The following BICRA variants were observed in gnomAD, a reference collection of about 807,000 sequenced individuals.
The protein encoded by BICRA is BRD4 interacting chromatin remodeling complex associated protein, also known as BRD4-interacting chromatin-remodeling complex-associated protein.
In BICRA, 31 loss-of-function variants were observed where a neutral mutation model predicts 96.9. That is an observed-to-expected ratio of 0.32 (90% CI 0.24 to 0.43). The LOEUF is 0.43. Among genes scored for constraint, BICRA ranks in the 20% least tolerant of loss-of-function variants. The pLI is 1.00. For synonymous variants in BICRA, 1,350 were observed against 1,071.8 expected (o/e 1.26, Z -5.07); for missense variants, 2,283 against 2,190.3 (o/e 1.04, Z -0.84).
rs770286385 is a variant in BICRA, at chr19:47,675,696, G to C, written c.85-155G>C. On this transcript the variant is annotated intron_variant, in intron 4 of 14. Coordinates refer to ENST00000594866, the MANE Select transcript of BICRA (RefSeq NM_001394372.1). This position sits in a 1 kb window ranked among gnomAD's most constrained non-coding sequence, Gnocchi z 4.7. Reference sequence around the variant, plus strand: ...AGGCACCCAAGCCCCTGCCTTTGGGGCCTCTTTTCGGAGGCGAGAGTTTCC... The same window carrying C: ...AGGCACCCAAGCCCCTGCCTTTGGGCCCTCTTTTCGGAGGCGAGAGTTTCC... Among the ~76,000 whole-genome samples the C allele has an allele frequency of 1.3e-5, 2 of 152,194 alleles. No homozygotes were observed. The highest frequency in any genetic ancestry group is 2.9e-5 in the Non-Finnish European group (2 of 68,022).
At chr19:47,673,668 C>T in intron 3 of BICRA, 52 bp from the exon 4 acceptor site, 1 of 1,565,930 alleles carries the variant, frequency 6.4e-7, no homozygotes, top group Non-Finnish European at 8.8e-7. Context: ...CCTCCCTTCC[C>T]TCCCCTCCCC....
Position 47,680,923 on chromosome 19 carries a change from G to A in BICRA, c.1753G>A (p.Gly585Arg), listed in dbSNP as rs1271273357. The A allele has an allele frequency of 3.4e-6, 5 of 1,478,938 alleles. No homozygotes were observed. Among genetic ancestry groups the A allele is most frequent in the Non-Finnish European group, 4.4e-6 (5 of 1,126,978 alleles). The allele number at this position is 1,478,938 out of a possible 1,614,324, so 91.6% of individuals were successfully genotyped here. Residue 585 changes from glycine (G) to arginine (R), a missense_variant, in exon 6 of 15, where the codon GGG (glycine) becomes AGG (arginine). Gly to Arg is a moderately radical substitution (Grantham distance 125, BLOSUM62 -2). Coordinates refer to ENST00000594866, the MANE Select transcript of BICRA (RefSeq NM_001394372.1). ...AGPAATTVLQ[G>R]VTLPPSAVAM... ...GCCGGCCGCCACCACTGTCCTCCAG[G>A]GGGTCACCCTGCCCCCCAGCGCCGT...
chr19:47,653,376 A>G (rs1177021021), intron 1 of BICRA, among the ~76,000 whole-genome samples: 1 of 150,578 alleles, frequency 6.6e-6, no homozygotes, highest in Non-Finnish European at 1.5e-5. Flanking sequence ...TTCACATACC[A>G]TAAAATCCAC....
rs1236023488 is a variant in BICRA at position 47,701,505 on chromosome 19, C to T, written c.3773C>T (p.Ser1258Leu). The T allele has an allele frequency of 2.6e-6, 4 of 1,548,398 alleles. No homozygotes were observed. Among genetic ancestry groups the T allele is most frequent in the South Asian group, 1.2e-5 (1 of 84,126 alleles). The change falls in exon 15 of 15, where the codon TCG becomes TTG. Residue 1258 changes from serine to leucine, a missense_variant. Ser to Leu is a moderately radical substitution (Grantham distance 145). Coordinates refer to ENST00000594866, the MANE Select transcript of BICRA (RefSeq NM_001394372.1). The surrounding 1 kb of genome is among the most constrained non-coding windows in gnomAD (Gnocchi z 5.4). ...CACGGCGGGGCAGGCGGCTCCCCTT[C>T]GGTCACCTGGGCCCGGGCGTCCTCC... is the stretch of plus-strand genomic sequence containing the variant. ...IRHGGAGGSP[S>L]VTWARASSSL... is the part of the protein sequence containing the mutation.
chr19:47,698,588 C>A lies in BICRA; in HGVS notation c.3249-46C>A. The stretch of plus-strand genomic sequence containing the variant: ...GGACTTCCCCTGGCCCTCACCCGTC[C>A]CCCCCACCCTCCGCCGTGTGTGGTC... On this transcript the variant is annotated intron_variant, in intron 11 of 14. Transcript: ENST00000594866. This position sits in a 1 kb window ranked among gnomAD's most constrained non-coding sequence, Gnocchi z 4.8. 2 of 820,494 alleles carry A rather than the reference C, an allele frequency of 2.4e-6. No homozygotes were observed. The highest frequency in any genetic ancestry group is 2.8e-5 in the South Asian group (2 of 70,412). 50.8% of individuals were successfully genotyped at this position (820,494 alleles called of 1,614,324 possible).
chr19:47,683,030 T>G (rs1436013518), intron 7 of BICRA, among the ~76,000 whole-genome samples: 2 of 152,206 alleles, frequency 1.3e-5, no homozygotes, highest in Non-Finnish European at 2.9e-5. Flanking sequence ...GTGCGGATAT[T>G]TATTTAGCCA....
In BICRA at chr19:47,695,061, G is replaced by A. The variant is rs1460699018; in HGVS notation, c.3057G>A (p.Pro1019=). The change falls in exon 9 of 15, where the codon CCG becomes CCA. Residue 1019 remains proline (P), a synonymous_variant. Transcript: ENST00000594866. ...TPTAPSHAPA[P]APMAATGLPP... ...CTGCCCCCAGCCACGCCCCCGCCCC[G>A]GCACCCATGGCCGCCACAGGTAGGA... 12 of 1,495,538 alleles carry A rather than the reference G, an allele frequency of 8.0e-6. No individual in the cohort carries two copies. The highest frequency in any genetic ancestry group is 2.6e-5 in the Admixed American group (1 of 38,062). 92.6% of individuals were successfully genotyped at this position (1,495,538 alleles called of 1,614,324 possible).
chr19:47,609,084 C>G (rs2123496859), upstream of BICRA: 1 of 148,188 alleles, frequency 6.7e-6, no homozygotes, highest in East Asian at 2.0e-4. Context: ...CCGGCCCGGC[C>G]GGCCGGCCCC....
chr19:47,619,441 T>C (rs1479094199), intron 1 of BICRA, among the ~76,000 whole-genome samples: 2 of 152,010 alleles, frequency 1.3e-5, no homozygotes, highest in African/African-American at 4.8e-5. Context: ...GTATTTTTAG[T>C]AGAGATGAGG....
Position 47,698,568 on chromosome 19 carries a change from T to A in BICRA, c.3249-66T>A. On this transcript the variant is annotated intron_variant, in intron 11 of 14. Coordinates refer to ENST00000594866, the MANE Select transcript of BICRA (RefSeq NM_001394372.1). The surrounding 1 kb of genome is among the most constrained non-coding windows in gnomAD (Gnocchi z 4.8). The stretch of plus-strand genomic sequence containing the variant: ...GCCTGGGGCTGAGGGTTCAGGGACT[T>A]CCCCTGGCCCTCACCCGTCCCCCCC... The A allele has an allele frequency of 1.3e-6, 1 of 747,350 alleles. No individual in the cohort carries two copies. Among genetic ancestry groups the A allele is most frequent in the South Asian group, 1.5e-5 (1 of 65,974 alleles). 46.3% of individuals were successfully genotyped at this position (747,350 alleles called of 1,614,324 possible).
chr19:47,625,843 C>T (rs1189739786), intron 1 of BICRA, among the ~76,000 whole-genome samples: 5 of 151,348 alleles, frequency 3.3e-5, no homozygotes, highest in Admixed American at 6.6e-5. Context: ...AGAGGGAGGC[C>T]GTGGGGCTGT....
Position 47,635,042 on chromosome 19 carries a change from G to A in BICRA, c.-108+25874G>A, listed in dbSNP as rs561821988. Among the ~76,000 whole-genome samples, 30 of 151,494 alleles carry A rather than the reference G, an allele frequency of 2.0e-4. No homozygotes were observed. The South Asian group carries it at 2.5e-3, about 13-fold the overall frequency. On this transcript the variant is annotated intron_variant, in intron 1 of 14. Transcript: ENST00000594866. Reference sequence around the variant, plus strand: ...CTCCCAAAGTGCTGGGATTACAGGCGTGAGCCACCGCTCCTGGCCACATAC... The same window carrying A: ...CTCCCAAAGTGCTGGGATTACAGGCATGAGCCACCGCTCCTGGCCACATAC...
At chr19:47,616,166 A>T (rs1463453957) in intron 1 of BICRA, 4 of 152,328 alleles carry the variant, frequency 2.6e-5, no homozygotes, top group Non-Finnish European at 4.4e-5. Context: ...GAGGAAACCC[A>T]CCTCAGGCAT....
intron 10 of BICRA, among the ~76,000 whole-genome samples, chr19:47,695,968 C>G (rs1343278239): frequency 6.6e-6 from 1 of 151,770 alleles, no homozygotes; most frequent in African/African-American, 2.4e-5. Context: ...GGTGGGAGGA[C>G]CAGGACCCAA....
intron 7 of BICRA, 91 bp from the exon 8 acceptor site, chr19:47,694,024 G>A: frequency 7.1e-7 from 1 of 1,413,606 alleles, no homozygotes; most frequent in Non-Finnish European, 9.2e-7. Context: ...CTTCTGGCGG[G>A]GATGGCTGGG....
At chr19:47,611,873 A>ATT (rs748794734) in intron 1 of BICRA, among the ~76,000 whole-genome samples, 6 of 143,354 alleles carry the variant, frequency 4.2e-5, no homozygotes, top group Non-Finnish European at 7.7e-5. Flanking sequence ...GTGGCATTTA[A>ATT]TTTTTTTTTT....
intron 7 of BICRA, among the ~76,000 whole-genome samples, chr19:47,693,481 A>G (rs1190901650): frequency 6.6e-6 from 1 of 152,164 alleles, no homozygotes; most frequent in African/African-American, 2.4e-5. Flanking sequence ...AGGCCTTCCC[A>G]TGCCCGCATC....
intron 1 of BICRA, among the ~76,000 whole-genome samples, chr19:47,611,715 GTCC>G (rs1356560088): frequency 1.3e-5 from 2 of 152,116 alleles, no homozygotes; most frequent in African/African-American, 4.8e-5. Flanking sequence ...TTAACTGCTG[GTCC>G]TGTTTTCTCA....
Position 47,694,296 on chromosome 19 carries a change from G to GGCC in BICRA, c.2465_2466insGCC (p.Cys822delinsTrpPro). The GGCC allele has an allele frequency of 3.2e-6, 2 of 628,902 alleles. No individual in the cohort carries two copies. Among genetic ancestry groups the GGCC allele is most frequent in the South Asian group, 1.9e-5 (1 of 51,994 alleles). 39.0% of individuals were successfully genotyped at this position (628,902 alleles called of 1,614,324 possible). On this transcript the variant is annotated protein_altering_variant, in exon 8 of 15. Transcript: ENST00000594866. ...CCCTCAGAGCCACCCTTGCACCCTT[G>GGCC]CCCCCCACCCCAGGCCCCCCCAACT...
Sources: allele counts gnomAD v4.1 joint callset (sites outside exome capture counted in the v4.1 genomes callset), GRCh38; gene constraint gnomAD v4.1.1; non-coding constraint Gnocchi (gnomAD v3.1); transcripts MANE v1.5; gene names NCBI Gene and HGNC (gene_info 2026-07-23, HGNC 2026-07-21).